The following APAF1 variants were observed in gnomAD, a reference collection of about 807,000 sequenced individuals.
APAF1 encodes apoptotic protease-activating factor 1.
APAF1 carries 91 observed loss-of-function variants against 152.4 expected under a neutral mutation model. That is an observed-to-expected ratio of 0.60 (90% confidence interval 0.50 to 0.71). APAF1 has a LOEUF of 0.71. APAF1 is among the 30% of genes least tolerant of loss of function. The probability of loss-of-function intolerance (pLI) is 0.00; values close to 1 mark genes in which losing one functional copy is unlikely to be tolerated. For synonymous variants in APAF1, 484 were observed against 494.1 expected (o/e 0.98, Z 0.27); for missense variants, 1,283 against 1,472.0 (o/e 0.87, Z 2.10).
Position 98,671,678 on chromosome 12 carries a change from C to T in APAF1, c.1752C>T (p.Ala584=). The T allele has an allele frequency of 6.2e-7, 1 of 1,613,918 alleles. No individual in the cohort carries two copies. Among genetic ancestry groups the T allele is most frequent in the Non-Finnish European group, 8.5e-7 (1 of 1,179,992 alleles). Residue 584 remains alanine, a synonymous_variant, in exon 12 of 27, where the codon GCC becomes GCT. Coordinates refer to ENST00000551964, the MANE Select transcript of APAF1 (RefSeq NM_181861.2). ...TTTATCAGCAAGCTAAGCTGCAGGC[C>T]AAGCAGGAGGTCGATAATGGAATGC... ...SEVYQQAKLQ[A]KQEVDNGMLY... is the part of the protein sequence containing the mutation.
At position 98,681,898 on chromosome 12, in the gene APAF1, A is replaced by G. The variant is rs77280378; in HGVS notation, c.2047-1245A>G. Among the ~76,000 whole-genome samples the G allele has an allele frequency of 2.2e-3, 329 of 152,336 alleles. 1 individual carries two copies. The highest frequency in any genetic ancestry group is 3.7e-3 in the Non-Finnish European group (250 of 68,022). On this transcript the variant is annotated intron_variant, in intron 14 of 26. Coordinates refer to ENST00000551964, the MANE Select transcript of APAF1 (RefSeq NM_181861.2). ...GGGGATTCTAATCAGTGCTTTGATAACATACAAAGGAAATGCCAAAGGACA... is the reference window on the plus strand; with the variant it reads ...GGGGATTCTAATCAGTGCTTTGATAGCATACAAAGGAAATGCCAAAGGACA...
At chr12:98,710,962 G>A (rs796877002) in intron 20 of APAF1, among the ~76,000 whole-genome samples, 30 of 152,306 alleles carry the variant, frequency 2.0e-4, no homozygotes, top group Non-Finnish European at 3.8e-4. Context: ...GATACTGGGA[G>A]TAAATCGCCT....
chr12:98,692,376 C>T (rs997308500), intron 16 of APAF1, among the ~76,000 whole-genome samples: 3 of 152,126 alleles, frequency 2.0e-5, no homozygotes, highest in African/African-American at 7.2e-5. Context: ...AGCCACTGCA[C>T]CCAGCCTATG....
intron 22 of APAF1, among the ~76,000 whole-genome samples, chr12:98,720,502 G>T (rs1023529157): frequency 6.6e-6 from 1 of 152,172 alleles, no homozygotes; most frequent in Non-Finnish European, 1.5e-5. Context: ...CTGAGCTGAA[G>T]TTATTGCCAA....
Position 98,727,504 on chromosome 12 carries a change from G to A in APAF1, c.3600+188G>A, listed in dbSNP as rs1023401035. 8.8e-5 allele frequency among the ~76,000 whole-genome samples: 13 copies of A among 147,032 alleles called. No homozygotes were observed. In the East Asian group the frequency reaches 1.4e-3, roughly 16 times the overall value. The stretch of plus-strand genomic sequence containing the variant: ...CAAGGCTGCTTTGAGCCATGCTTGC[G>A]CCACTTCACTCCACCCTGGGTGACA... On this transcript the variant is annotated intron_variant, in intron 26 of 26. Coordinates refer to ENST00000551964, the MANE Select transcript of APAF1 (RefSeq NM_181861.2).
At chr12:98,679,350 A>G (rs2097689919) in intron 13 of APAF1, among the ~76,000 whole-genome samples, 1 of 152,148 alleles carries the variant, frequency 6.6e-6, no homozygotes, top group African/African-American at 2.4e-5. Context: ...CTTGCCTAGC[A>G]GAGAGGAGCT....
intron 16 of APAF1, among the ~76,000 whole-genome samples, chr12:98,695,336 C>T (rs1422282359): frequency 6.6e-6 from 1 of 151,380 alleles, no homozygotes; most frequent in East Asian, 2.0e-4. Flanking sequence ...CAGGTGTGAG[C>T]CACTGCGCCC....
intron 3 of APAF1, 163 bp downstream of exon 3, chr12:98,648,978 C>A: frequency 1.3e-6 from 1 of 799,948 alleles, no homozygotes; most frequent in Non-Finnish European, 2.1e-6. Context: ...TATTTGCATC[C>A]ACATTAACTC....
At chr12:98,662,594 G>T in intron 6 of APAF1, 26 bp downstream of exon 6, 1 of 1,604,048 alleles carries the variant, frequency 6.2e-7, no homozygotes, top group Non-Finnish European at 8.5e-7. Flanking sequence ...TTACTTTTTA[G>T]TACCTTTATA....
At position 98,694,984 on chromosome 12, in the gene APAF1, T is replaced by G. The variant is rs564714596; in HGVS notation, c.2305-4424T>G. On this transcript the variant is annotated intron_variant, in intron 16 of 26. Coordinates refer to ENST00000551964, the MANE Select transcript of APAF1 (RefSeq NM_181861.2). Reference sequence around the variant, plus strand: ...GGTGAACTTTTGATGTCAAAGTCTTTATATCTTTTGTCTTGAACTGGTTGG... The same window carrying G: ...GGTGAACTTTTGATGTCAAAGTCTTGATATCTTTTGTCTTGAACTGGTTGG... Among the ~76,000 whole-genome samples, 6 of 151,826 alleles carry G rather than the reference T, an allele frequency of 4.0e-5. No individual in the cohort carries two copies. In the South Asian group the frequency reaches 1.3e-3, roughly 32 times the overall value.
chr12:98,723,051 G>A, intron 22 of APAF1, 142 bp from the exon 23 acceptor site: 2 of 819,498 alleles, frequency 2.4e-6, no homozygotes, highest in South Asian at 3.1e-5. Flanking sequence ...GGACACCACA[G>A]TCTTCTCTCT....
Position 98,648,624 on chromosome 12 carries a change from A to G in APAF1, c.139-2A>G. 6.2e-7 allele frequency: 1 copy of G among 1,613,196 alleles called. No individual in the cohort carries two copies. The highest frequency in any genetic ancestry group is 8.5e-7 in the Non-Finnish European group (1 of 1,179,764). On this transcript the variant is annotated splice_acceptor_variant, in intron 2 of 26. Coordinates refer to ENST00000551964, the MANE Select transcript of APAF1 (RefSeq NM_181861.2). LOFTEE classifies it high-confidence loss of function. ...TATACTAAACTACTTAATTTTTTTTAGCCCACTCAACAGCAAAGAGCAGCT... is the reference window on the plus strand; with the variant it reads ...TATACTAAACTACTTAATTTTTTTTGGCCCACTCAACAGCAAAGAGCAGCT...
At chr12:98,675,446 A>G (rs979599013) in intron 12 of APAF1, among the ~76,000 whole-genome samples, 2 of 152,216 alleles carry the variant, frequency 1.3e-5, no homozygotes, top group Non-Finnish European at 2.9e-5. Flanking sequence ...CTTATATTAT[A>G]CAGTCGACCC....
chr12:98,665,278 A>ATATATATATATATATATATATATATTTT (rs1491316422), intron 7 of APAF1, among the ~76,000 whole-genome samples: 3 of 66,010 alleles, frequency 4.5e-5, no homozygotes, highest in Admixed American at 1.9e-4. Flanking sequence ...ATATATATAT[A>ATATATATATATATATATATATATATTTT]TTTTTTTTTT....
Position 98,659,230 on chromosome 12 carries a change from G to A in APAF1, c.597G>A (p.Leu199=), listed in dbSNP as rs1407954226. The A allele has an allele frequency of 1.2e-6, 2 of 1,614,098 alleles. No individual in the cohort carries two copies. The highest frequency in any genetic ancestry group is 1.7e-6 in the Non-Finnish European group (2 of 1,180,042). ...ACAAATCTGGGCTTCTGATGAAACTGCAGAATCTTTGCACACGGTTGGATC... is the reference window on the plus strand; with the variant it reads ...ACAAATCTGGGCTTCTGATGAAACTACAGAATCTTTGCACACGGTTGGATC... ...KQDKSGLLMK[L]QNLCTRLDQD... is the part of the protein sequence containing the mutation. Residue 199 remains leucine, a synonymous_variant, in exon 5 of 27, where the codon CTG becomes CTA. Coordinates refer to ENST00000551964, the MANE Select transcript of APAF1 (RefSeq NM_181861.2).
chr12:98,659,680 A>G (rs961789356), intron 5 of APAF1, among the ~76,000 whole-genome samples: 1 of 138,046 alleles, frequency 7.2e-6, no homozygotes, highest in Non-Finnish European at 1.5e-5. Context: ...TGAACCCGGG[A>G]GGCAGAGGTT....
intron 16 of APAF1, 77 bp downstream of exon 16, chr12:98,686,950 G>A: frequency 6.9e-7 from 1 of 1,451,492 alleles, no homozygotes. Flanking sequence ...ATAGGTTTCT[G>A]TTTTTTCACA....
intron 15 of APAF1, among the ~76,000 whole-genome samples, chr12:98,685,196 G>T (rs764561179): frequency 8.5e-5 from 13 of 152,146 alleles, no homozygotes; most frequent in Non-Finnish European, 1.6e-4. Context: ...CACCAGAGAT[G>T]ACTATAATCC....
At chr12:98,726,133 T>C (rs906170984) in intron 25 of APAF1, among the ~76,000 whole-genome samples, 2 of 152,212 alleles carry the variant, frequency 1.3e-5, no homozygotes, top group African/African-American at 4.8e-5. Context: ...GCTTAAGATA[T>C]ACATACAAAC....
Sources: allele counts gnomAD v4.1 joint callset (sites outside exome capture counted in the v4.1 genomes callset), GRCh38; gene constraint gnomAD v4.1.1; transcripts MANE v1.5; gene names NCBI Gene and HGNC (gene_info 2026-07-23, HGNC 2026-07-21).